The following POU2AF1 variants were observed in gnomAD, a reference collection of about 807,000 sequenced individuals.
POU2AF1 encodes the protein POU class 2 homeobox associating factor 1, also known as POU domain class 2-associating factor 1.
POU2AF1 carries 12 observed loss-of-function variants against 26.3 expected under a neutral mutation model. The observed-to-expected ratio is 0.46, with a 90% CI of 0.29 to 0.74. POU2AF1 has a LOEUF of 0.74. POU2AF1 is among the 30% of genes least tolerant of loss of function. POU2AF1 has a pLI of 0.09. For missense variants in POU2AF1, 297 were observed against 334.5 expected, an observed-to-expected ratio of 0.89 and a Z score of 0.87; for synonymous variants, 175 against 148.0, an observed-to-expected ratio of 1.18 and a Z score of -1.32.
At chr11:111,379,125 C>T (rs757177266) in intron 1 of POU2AF1, 37 bp downstream of exon 1, 2 of 1,613,764 alleles carry the variant, frequency 1.2e-6, no homozygotes, top group Non-Finnish European at 8.5e-7. Flanking sequence ...CCCGCTGGCA[C>T]TCGCTTGGGT....
intron 1 of POU2AF1, chr11:111,363,522 A>G: frequency 8.1e-6 from 8 of 986,976 alleles, no homozygotes; most frequent in Non-Finnish European, 8.5e-6. Context: ...GCCCACAAAT[A>G]CAAATTTGGG....
chr11:111,361,315 G>A (rs878942161), intron 1 of POU2AF1, among the ~76,000 whole-genome samples: 1 of 152,194 alleles, frequency 6.6e-6, no homozygotes, highest in East Asian at 1.9e-4. Flanking sequence ...GTGCCCCGGG[G>A]CCACCTGTGC....
chr11:111,354,044 G>A lies in POU2AF1; in HGVS notation c.*217C>T. On this transcript the variant is annotated 3_prime_UTR_variant, in exon 5 of 5. Transcript: ENST00000393067. ...AGGAAGGGGTTGGAAAGGAAGAAGG[G>A]AGGGAGGGGAAGAATGGAAGGATGG... 2.1e-6 allele frequency: 1 copy of A among 476,808 alleles called. No individual in the cohort carries two copies. Among genetic ancestry groups the A allele is most frequent in the Non-Finnish European group, 3.6e-6 (1 of 279,008 alleles). The allele number at this position is 476,808 out of a possible 1,614,324, so 29.5% of individuals were successfully genotyped here.
At chr11:111,376,322 A>G (rs1172718870) in intron 1 of POU2AF1, among the ~76,000 whole-genome samples, 2 of 152,214 alleles carry the variant, frequency 1.3e-5, no homozygotes, top group Non-Finnish European at 2.9e-5. Flanking sequence ...TCTCCCTCCA[A>G]GGTTCCTGCT....
At chr11:111,359,331 C>CCTTGAAG in intron 1 of POU2AF1, 1 of 234,102 alleles carries the variant, frequency 4.3e-6, no homozygotes, top group Non-Finnish European at 8.4e-6. Flanking sequence ...CTTCCAACCT[C>CCTTGAAG]TTGATTCTTG....
In POU2AF1 at chr11:111,353,851, T is replaced by C. The variant is rs1860784316; in HGVS notation, c.*410A>G. 3.8e-6 allele frequency: 1 copy of C among 265,224 alleles called. No individual in the cohort carries two copies. The highest frequency in any genetic ancestry group is 6.9e-6 in the Non-Finnish European group (1 of 145,608). The allele number at this position is 265,224 out of a possible 1,614,324, so 16.4% of individuals were successfully genotyped here. On this transcript the variant is annotated 3_prime_UTR_variant, in exon 5 of 5. Coordinates refer to ENST00000393067, the MANE Select transcript of POU2AF1 (RefSeq NM_006235.3). ...AAATCCCTATAATTACCTCCCAAAA[T>C]GGAACAGAATTGAAAAAAGAAGTAA... is the stretch of plus-strand genomic sequence containing the variant.
At chr11:111,369,529 A>T (rs1232024884) in intron 1 of POU2AF1, among the ~76,000 whole-genome samples, 1 of 152,226 alleles carries the variant, frequency 6.6e-6, no homozygotes. Context: ...CACATATCGC[A>T]TATGGAATAG....
chr11:111,356,528 G>A (rs78913653), intron 4 of POU2AF1, among the ~76,000 whole-genome samples: 2,405 of 152,258 alleles, frequency 0.016, 56 homozygotes, highest in East Asian at 0.049. Context: ...TACTTCCCAC[G>A]GTTTCCCTGG....
At chr11:111,358,352 T>TCACTCTCA (rs1555074306) in intron 2 of POU2AF1, among the ~76,000 whole-genome samples, 3 of 113,220 alleles carry the variant, frequency 2.6e-5, no homozygotes, top group African/African-American at 1.0e-4. Context: ...ACTCTCACAC[T>TCACTCTCA]CACACTCTCA....
intron 1 of POU2AF1, chr11:111,360,109 G>C (rs555071075): frequency 7.9e-6 from 4 of 508,120 alleles, no homozygotes; most frequent in Admixed American, 6.0e-5. Flanking sequence ...CCTGGCCTGG[G>C]AGAGCAACTG....
intron 1 of POU2AF1, among the ~76,000 whole-genome samples, chr11:111,360,977 G>GA (rs1402174578): frequency 6.6e-6 from 1 of 151,236 alleles, no homozygotes. Flanking sequence ...CAGTATTTCT[G>GA]AAAATATACT....
intron 4 of POU2AF1, among the ~76,000 whole-genome samples, chr11:111,355,439 T>C (rs1860824611): frequency 6.6e-6 from 1 of 152,194 alleles, no homozygotes; most frequent in Non-Finnish European, 1.5e-5. Context: ...GGAAAGCAGA[T>C]AGAAGAGGAT....
rs778493728 is a variant in POU2AF1, at chr11:111,357,811, C to T, written c.174G>A (p.Ala58=). ...CACTCTTACCCACTGTGGTGTAGGT[C>T]GCCAGGGGCTGATGGGGCAGCACCA... The part of the protein sequence containing the change: ...TAVVLPHQPL[A]TYTTVGPSCL... Residue 58 remains alanine (A), a synonymous_variant, in exon 3 of 5, where the codon GCG becomes GCA. Coordinates refer to ENST00000393067, the MANE Select transcript of POU2AF1 (RefSeq NM_006235.3). 1.2e-6 allele frequency: 2 copies of T among 1,612,674 alleles called. No homozygotes were observed. Among genetic ancestry groups the T allele is most frequent in the East Asian group, 2.2e-5 (1 of 44,882 alleles).
At chr11:111,365,105 G>A (rs189752775) in intron 1 of POU2AF1, among the ~76,000 whole-genome samples, 101 of 152,314 alleles carry the variant, frequency 6.6e-4, no homozygotes, top group African/African-American at 2.3e-3. Context: ...CATTAGTTTT[G>A]TATTTGGGGT....
At chr11:111,356,367 G>T (rs1284576801) in intron 4 of POU2AF1, among the ~76,000 whole-genome samples, 1 of 152,196 alleles carries the variant, frequency 6.6e-6, no homozygotes, top group Non-Finnish European at 1.5e-5. Context: ...GGAGGGAAGG[G>T]CTTCTGCAGG....
chr11:111,366,992 C>T (rs535723033), intron 1 of POU2AF1, among the ~76,000 whole-genome samples: 2 of 152,200 alleles, frequency 1.3e-5, no homozygotes, highest in East Asian at 1.9e-4. Context: ...AGCATTTACA[C>T]CCTAAGGCCT....
At chr11:111,364,036 C>G in intron 1 of POU2AF1, 1 of 967,242 alleles carries the variant, frequency 1.0e-6, no homozygotes, top group Non-Finnish European at 1.2e-6. Flanking sequence ...AAATCATTTA[C>G]AGAAAAACCA....
rs949184604 is a variant in POU2AF1, at chr11:111,357,931, A to G, written c.148-94T>C. ...GCCCAGAGGGCCTCAGGGCAGGAGA[A>G]TAGAAGATAGGAATCTCTCTGGTTA... On this transcript the variant is annotated intron_variant, in intron 2 of 4. Transcript: ENST00000393067. The G allele has an allele frequency of 1.4e-5, 18 of 1,293,008 alleles. No individual in the cohort carries two copies. In the African/African-American group the frequency reaches 2.7e-4, roughly 19 times the overall value. 80.1% of individuals were successfully genotyped at this position (1,293,008 alleles called of 1,614,324 possible).
chr11:111,359,009 C>T lies in POU2AF1; in HGVS notation c.17-91G>A, dbSNP rs1860952953. 4 of 1,512,004 alleles carry T rather than the reference C, an allele frequency of 2.6e-6. No homozygotes were observed. The South Asian group carries it at 5.3e-5, about 20-fold the overall frequency. 93.7% of individuals were successfully genotyped at this position (1,512,004 alleles called of 1,614,324 possible). On this transcript the variant is annotated intron_variant, in intron 1 of 4. Coordinates refer to ENST00000393067, the MANE Select transcript of POU2AF1 (RefSeq NM_006235.3). ...ATTTCCTCATGGATCTGCCTGCTCC[C>T]CTAAGTCGTGCTTGAACACGGAGAA...
Sources: allele counts gnomAD v4.1 joint callset (sites outside exome capture counted in the v4.1 genomes callset), GRCh38; gene constraint gnomAD v4.1.1; transcripts MANE v1.5; gene names NCBI Gene and HGNC (gene_info 2026-07-23, HGNC 2026-07-21).